The following TXNRD1 variants were observed in gnomAD, a reference collection of about 807,000 sequenced individuals.
The protein encoded by TXNRD1 is thioredoxin reductase 1.
A neutral mutation model predicts 80.3 loss-of-function variants in TXNRD1; 57 were observed. That is an observed-to-expected ratio of 0.71 (90% CI 0.57 to 0.89). The LOEUF is 0.89. Among genes scored for constraint, TXNRD1 ranks in the 40% least tolerant of loss-of-function variants. The pLI, the probability that TXNRD1 is intolerant of heterozygous loss-of-function variation, is 0.00. For missense variants in TXNRD1, 730 were observed against 803.0 expected (o/e 0.91, Z 1.10); for synonymous variants, 291 against 285.2 (o/e 1.02, Z -0.20).
intron 1 of TXNRD1, among the ~76,000 whole-genome samples, chr12:104,244,535 A>G (rs970700418): frequency 1.3e-5 from 2 of 152,170 alleles, no homozygotes; most frequent in South Asian, 4.1e-4. Flanking sequence ...CATTTTGCAC[A>G]TTCTTTTTCA....
At chr12:104,347,485 G>A (rs922873918) in intron 16 of TXNRD1, among the ~76,000 whole-genome samples, 1 of 152,208 alleles carries the variant, frequency 6.6e-6, no homozygotes, top group Non-Finnish European at 1.5e-5. Flanking sequence ...ATGAAACAAG[G>A]AGAACTTGTT....
At chr12:104,274,165 T>C (rs570961081) in intron 3 of TXNRD1, among the ~76,000 whole-genome samples, 76 of 152,262 alleles carry the variant, frequency 5.0e-4, no homozygotes, top group African/African-American at 1.8e-3. Context: ...GTGGAGAAAT[T>C]GGTCTGAATG....
At chr12:104,269,158 G>C (rs1462801942) in intron 3 of TXNRD1, among the ~76,000 whole-genome samples, 1 of 151,960 alleles carries the variant, frequency 6.6e-6, no homozygotes, top group Non-Finnish European at 1.5e-5. Context: ...GGCCCGCCTG[G>C]CCTCCCAAAG....
chr12:104,267,424 T>C (rs1380985698), intron 3 of TXNRD1, among the ~76,000 whole-genome samples: 1 of 151,590 alleles, frequency 6.6e-6, no homozygotes, highest in Non-Finnish European at 1.5e-5. Flanking sequence ...AGTACAGGTA[T>C]GTGCCACCAT....
intron 1 of TXNRD1, among the ~76,000 whole-genome samples, chr12:104,228,647 C>T (rs376017197): frequency 2.0e-5 from 3 of 152,046 alleles, no homozygotes; most frequent in Admixed American, 1.3e-4. Context: ...AAAGTGGGGG[C>T]GGCAGGGGAA....
intron 3 of TXNRD1, chr12:104,265,309 A>G (rs2033454759): frequency 1.2e-6 from 2 of 1,604,980 alleles, no homozygotes; most frequent in African/African-American, 1.3e-5. Context: ...AGAGCACGCC[A>G]TGAAGGCCTC....
intron 3 of TXNRD1, among the ~76,000 whole-genome samples, chr12:104,277,969 C>T (rs1405495765): frequency 6.6e-6 from 1 of 151,478 alleles, no homozygotes; most frequent in East Asian, 1.9e-4. Context: ...CTCCGCCTCC[C>T]GGGTTCACTC....
In TXNRD1 at chr12:104,333,025, GT is replaced by G. The variant is rs1238342236; in HGVS notation, c.1651-1210del. ...TTTTAGGTCCAAGCTTAATATTAAT[GT>G]TATGTCATGAACATTTCCTGTCTTT... On this transcript the variant is annotated intron_variant, in intron 14 of 16. Transcript: ENST00000525566. Among the ~76,000 whole-genome samples the G allele has an allele frequency of 2.0e-5, 3 of 151,600 alleles. 1 individual carries two copies. Among genetic ancestry groups the G allele is most frequent in the African/African-American group, 7.3e-5 (3 of 41,346 alleles).
At chr12:104,237,715 A>G (rs1326785723) in intron 1 of TXNRD1, among the ~76,000 whole-genome samples, 2 of 152,192 alleles carry the variant, frequency 1.3e-5, no homozygotes, top group Non-Finnish European at 2.9e-5. Context: ...TGATTGGCTT[A>G]AAGAAAAATA....
At chr12:104,269,003 CA>C (rs1402610837) in intron 3 of TXNRD1, among the ~76,000 whole-genome samples, 2 of 147,884 alleles carry the variant, frequency 1.4e-5, no homozygotes, top group African/African-American at 5.0e-5. Flanking sequence ...CTCTCGGGTT[CA>C]AGTGATTCTC....
rs948551396 is a variant in TXNRD1, at chr12:104,287,252, G to A, written c.305-1679G>A. The A allele has an allele frequency of 1.9e-6, 3 of 1,613,806 alleles. No homozygotes were observed. In the Admixed American group the frequency reaches 5.0e-5, roughly 27 times the overall value. On this transcript the variant is annotated intron_variant, in intron 3 of 16. Coordinates refer to ENST00000525566, the MANE Select transcript of TXNRD1 (RefSeq NM_001093771.3). ...CGGGGAAGGGAAGATATTTTAAGGC[G>A]TGTCTGAGCAGACGGGGAGGCTTTT...
chr12:104,275,420 C>A (rs2033736947), intron 3 of TXNRD1, among the ~76,000 whole-genome samples: 1 of 151,876 alleles, frequency 6.6e-6, no homozygotes, highest in African/African-American at 2.4e-5. Context: ...AATGAATGTG[C>A]TACTCCAGGC....
intron 5 of TXNRD1, among the ~76,000 whole-genome samples, chr12:104,312,232 A>T (rs1463733961): frequency 1.3e-5 from 2 of 152,184 alleles, no homozygotes; most frequent in Non-Finnish European, 2.9e-5. Context: ...ATGTGAGGTT[A>T]TCTAATAACC....
intron 3 of TXNRD1, among the ~76,000 whole-genome samples, chr12:104,267,382 A>G (rs1382522545): frequency 6.6e-6 from 1 of 151,152 alleles, no homozygotes; most frequent in African/African-American, 2.4e-5. Context: ...GCTTCATGCA[A>G]TCCTCCCACC....
intron 1 of TXNRD1, among the ~76,000 whole-genome samples, chr12:104,232,131 C>G (rs571179495): frequency 1.6e-4 from 24 of 152,328 alleles, no homozygotes; most frequent in African/African-American, 5.3e-4. Context: ...TGATGAAACA[C>G]TATTCCACAA....
intron 4 of TXNRD1, among the ~76,000 whole-genome samples, chr12:104,305,973 G>A (rs1565891212): frequency 1.3e-5 from 2 of 151,822 alleles, no homozygotes; most frequent in Admixed American, 6.6e-5. Context: ...GTGCAATCTC[G>A]GCCCACTGCA....
intron 16 of TXNRD1, among the ~76,000 whole-genome samples, chr12:104,341,002 G>C (rs1338163421): frequency 6.6e-6 from 1 of 152,160 alleles, no homozygotes. Flanking sequence ...CTTGTTGAAA[G>C]ACTGCTGTGT....
rs1296084828 is a variant in TXNRD1 at position 104,348,934 on chromosome 12, T to C, written c.*513T>C. 6.4e-6 allele frequency: 1 copy of C among 156,486 alleles called. No homozygotes were observed. The highest frequency in any genetic ancestry group is 1.4e-5 in the Non-Finnish European group (1 of 70,448). The allele number at this position is 156,486 out of a possible 1,614,324, so 9.7% of individuals were successfully genotyped here. On this transcript the variant is annotated 3_prime_UTR_variant, in exon 17 of 17. Coordinates refer to ENST00000525566, the MANE Select transcript of TXNRD1 (RefSeq NM_001093771.3). ...GATAGTTTGGCTCCCTTGGAGGCTATGTAGGCTTGTCCCGGGAAAGAGAAC... is the reference window on the plus strand; with the variant it reads ...GATAGTTTGGCTCCCTTGGAGGCTACGTAGGCTTGTCCCGGGAAAGAGAAC...
chr12:104,241,811 A>G (rs974570552), intron 1 of TXNRD1, among the ~76,000 whole-genome samples: 5 of 152,090 alleles, frequency 3.3e-5, no homozygotes, highest in Non-Finnish European at 5.9e-5. Context: ...TGTTGGGATT[A>G]CAGGCGTGAG....
Sources: gnomAD v4.1 joint callset for allele counts (sites outside exome capture counted in the v4.1 genomes callset) on GRCh38, gnomAD v4.1.1 for gene constraint, MANE v1.5 for transcripts, NCBI Gene and HGNC (gene_info 2026-07-23, HGNC 2026-07-21) for gene names.